Variants in CSMD1 observed in about 807,000 individuals in gnomAD.
CSMD1 encodes CUB and Sushi multiple domains 1, also known as CUB and sushi domain-containing protein 1.
CSMD1 carries 213 observed loss-of-function variants against 417.5 expected under a neutral mutation model. The observed-to-expected ratio is 0.51, with a 90% CI of 0.46 to 0.57. The LOEUF is 0.57. Ranked by LOEUF, CSMD1 falls within the 20% of genes least tolerant of loss-of-function variation. The pLI is 0.00. For missense variants in CSMD1, 6,923 were observed against 4,529.7 expected (o/e 1.53, Z -15.17); for synonymous variants, 2,862 against 1,736.8 (o/e 1.65, Z -16.11).
At position 4,326,156 on chromosome 8, in the gene CSMD1, C is replaced by G. The variant is rs562325677; in HGVS notation, c.415+93797G>C. Among the ~76,000 whole-genome samples, 153 of 152,236 alleles carry G rather than the reference C, an allele frequency of 1.0e-3. 1 individual carries two copies. The highest frequency in any genetic ancestry group is 7.7e-3 in the South Asian group (37 of 4,824). On this transcript the variant is annotated intron_variant, in intron 3 of 69. Coordinates refer to ENST00000635120, the MANE Select transcript of CSMD1 (RefSeq NM_033225.6). Reference sequence around the variant, plus strand: ...CTGAAATATTCAGTTTAGAGTTGTGCCAGAGAATTTGGCTTTCTAACAAGC... The same window carrying G: ...CTGAAATATTCAGTTTAGAGTTGTGGCAGAGAATTTGGCTTTCTAACAAGC...
chr8:3,413,060 T>C (rs954292336), intron 12 of CSMD1, among the ~76,000 whole-genome samples: 1 of 152,170 alleles, frequency 6.6e-6, no homozygotes, highest in African/African-American at 2.4e-5. Context: ...AAGCCTCAGT[T>C]TTCACATTAT....
chr8:4,578,332 A>ATTTTTTTTTTTTTTTTGTTTTT, intron 2 of CSMD1, among the ~76,000 whole-genome samples: 1 of 48,776 alleles, frequency 2.1e-5, no homozygotes, highest in Non-Finnish European at 3.6e-5. Context: ...CACCCGGCTC[A>ATTTTTTTTTTTTTTTTGTTTTT]TTTTTTTTTT....
intron 5 of CSMD1, among the ~76,000 whole-genome samples, chr8:3,971,330 C>T (rs147685479): frequency 2.0e-5 from 3 of 152,222 alleles, no homozygotes; most frequent in East Asian, 1.9e-4. Flanking sequence ...CTGCAGCTGC[C>T]GGTTCACATG....
At chr8:4,024,680 A>C (rs76647767) in intron 4 of CSMD1, among the ~76,000 whole-genome samples, 1 of 152,158 alleles carries the variant, frequency 6.6e-6, no homozygotes, top group East Asian at 1.9e-4. Flanking sequence ...ACACTGCATA[A>C]ATGTGACTTG....
chr8:4,246,489 A>T (rs1802717152), intron 3 of CSMD1, among the ~76,000 whole-genome samples: 1 of 152,174 alleles, frequency 6.6e-6, no homozygotes, highest in Non-Finnish European at 1.5e-5. Context: ...CAGAGATAAG[A>T]GTTTTTAAAG....
intron 5 of CSMD1, among the ~76,000 whole-genome samples, chr8:3,812,801 G>T (rs544256616): frequency 6.6e-6 from 1 of 152,256 alleles, no homozygotes; most frequent in East Asian, 1.9e-4. Context: ...TGAATTAACT[G>T]TCTTTCCTTT....
chr8:4,440,641 A>G (rs1798414485), intron 2 of CSMD1, among the ~76,000 whole-genome samples: 1 of 152,208 alleles, frequency 6.6e-6, no homozygotes, highest in South Asian at 2.1e-4. Flanking sequence ...GGGAAGAAAA[A>G]TTGATTGCAT....
intron 3 of CSMD1, among the ~76,000 whole-genome samples, chr8:4,307,317 A>G (rs1240055858): frequency 1.3e-5 from 2 of 152,104 alleles, no homozygotes; most frequent in East Asian, 3.9e-4. Context: ...CAGGCATCAC[A>G]CATGTCCACA....
intron 8 of CSMD1, among the ~76,000 whole-genome samples, chr8:3,589,297 C>A (rs73489584): frequency 0.028 from 4,232 of 152,150 alleles, 179 homozygotes; most frequent in African/African-American, 0.096. Context: ...CTCATAGTCA[C>A]TGCAGCGTTA....
chr8:3,858,921 G>C (rs1384060216), intron 5 of CSMD1, among the ~76,000 whole-genome samples: 1 of 152,168 alleles, frequency 6.6e-6, no homozygotes, highest in Non-Finnish European at 1.5e-5. Flanking sequence ...TGGATTTGGC[G>C]AGTTGGTTGA....
intron 11 of CSMD1, among the ~76,000 whole-genome samples, chr8:3,470,704 C>G (rs1046582608): frequency 6.6e-6 from 1 of 152,042 alleles, no homozygotes. Context: ...TGTCCCTAAC[C>G]CCTGGCAACC....
intron 3 of CSMD1, among the ~76,000 whole-genome samples, chr8:4,228,589 C>CT (rs201365918): frequency 0.059 from 8,191 of 138,328 alleles, 351 homozygotes; most frequent in African/African-American, 0.12. Flanking sequence ...TCTGTCAGAT[C>CT]TTTTTTTTTT....
intron 3 of CSMD1, among the ~76,000 whole-genome samples, chr8:4,304,314 T>C (rs902239301): frequency 1.3e-5 from 2 of 152,214 alleles, no homozygotes; most frequent in East Asian, 3.8e-4. Context: ...ATATAGAAGA[T>C]ATTTATTTTG....
At chr8:4,476,516 C>A (rs368810489) in intron 2 of CSMD1, among the ~76,000 whole-genome samples, 1 of 152,094 alleles carries the variant, frequency 6.6e-6, no homozygotes, top group Non-Finnish European at 1.5e-5. Context: ...CACTACTTTT[C>A]GGAGTTCTAA....
At chr8:3,454,995 G>A (rs1045312427) in intron 12 of CSMD1, among the ~76,000 whole-genome samples, 3 of 152,140 alleles carry the variant, frequency 2.0e-5, no homozygotes, top group Non-Finnish European at 4.4e-5. Context: ...ATATTTCTTG[G>A]AGGCTTTGTT....
chr8:3,115,199 C>T (rs1342607310), intron 42 of CSMD1, among the ~76,000 whole-genome samples: 1 of 138,466 alleles, frequency 7.2e-6, no homozygotes, highest in Admixed American at 7.3e-5. Context: ...TACAATCCCC[C>T]CCCCCCCTTT....
intron 12 of CSMD1, among the ~76,000 whole-genome samples, chr8:3,441,048 T>G (rs1198397524): frequency 6.6e-6 from 1 of 152,154 alleles, no homozygotes; most frequent in East Asian, 1.9e-4. Context: ...ACGAATGCCT[T>G]TGTATGAAAC....
At chr8:3,614,928 G>A (rs1229116874) in intron 8 of CSMD1, among the ~76,000 whole-genome samples, 1 of 151,372 alleles carries the variant, frequency 6.6e-6, no homozygotes, top group Non-Finnish European at 1.5e-5. Flanking sequence ...GCAGGAAGAA[G>A]ATTTTTCCTC....
chr8:4,480,653 G>T (rs1331547899), intron 2 of CSMD1, among the ~76,000 whole-genome samples: 1 of 152,212 alleles, frequency 6.6e-6, no homozygotes, highest in African/African-American at 2.4e-5. Context: ...AAATAGGCTT[G>T]CATTTACTAA....
Sources: allele counts gnomAD v4.1 joint callset (sites outside exome capture counted in the v4.1 genomes callset), GRCh38; gene constraint gnomAD v4.1.1; transcripts MANE v1.5; gene names NCBI Gene and HGNC (gene_info 2026-07-23, HGNC 2026-07-21).